The following NKAIN2 variants were observed in gnomAD, a reference collection of about 807,000 sequenced individuals.
NKAIN2 encodes the protein sodium/potassium transporting ATPase interacting 2.
In NKAIN2, 14 loss-of-function variants were observed where a neutral mutation model predicts 32.6. The observed-to-expected ratio is 0.43, with a 90% CI of 0.28 to 0.67. The LOEUF is 0.67. Among genes scored for constraint, NKAIN2 ranks in the 30% least tolerant of loss-of-function variants. NKAIN2 has a pLI of 0.17. For missense variants in NKAIN2, 198 were observed against 258.3 expected, an observed-to-expected ratio of 0.77 and a Z score of 1.60; for synonymous variants, 80 against 87.2, an observed-to-expected ratio of 0.92 and a Z score of 0.46.
chr6:124,487,942 G>C (rs1296305674), intron 3 of NKAIN2, among the ~76,000 whole-genome samples: 1 of 151,892 alleles, frequency 6.6e-6, no homozygotes, highest in East Asian at 1.9e-4. Context: ...AAGTGACTTT[G>C]TTTTTCTAAC....
At chr6:124,542,218 C>T (rs1779937863) in intron 3 of NKAIN2, among the ~76,000 whole-genome samples, 1 of 151,644 alleles carries the variant, frequency 6.6e-6, no homozygotes, top group Non-Finnish European at 1.5e-5. Context: ...ACAACTATAC[C>T]ATTCATTCTG....
At chr6:123,884,029 G>T (rs1473299448) in intron 1 of NKAIN2, among the ~76,000 whole-genome samples, 1 of 151,824 alleles carries the variant, frequency 6.6e-6, no homozygotes, top group Non-Finnish European at 1.5e-5. Flanking sequence ...GTGTCTTGGG[G>T]ATTTGTTGTA....
intron 3 of NKAIN2, among the ~76,000 whole-genome samples, chr6:124,632,349 G>A (rs999577270): frequency 4.6e-5 from 7 of 152,122 alleles, no homozygotes; most frequent in African/African-American, 1.7e-4. Context: ...GAAGGCATAA[G>A]TTATGGCTAA....
intron 1 of NKAIN2, among the ~76,000 whole-genome samples, chr6:123,903,800 T>A (rs1297525521): frequency 2.0e-5 from 3 of 152,218 alleles, no homozygotes; most frequent in Non-Finnish European, 4.4e-5. Context: ...ACTTGGTTAA[T>A]AAGCCCTGAT....
intron 3 of NKAIN2, among the ~76,000 whole-genome samples, chr6:124,530,078 C>G (rs1779464759): frequency 6.6e-6 from 1 of 152,130 alleles, no homozygotes; most frequent in Admixed American, 6.5e-5. Flanking sequence ...GAACCAGAAC[C>G]AATAGGATAT....
At chr6:124,529,050 A>G (rs987165682) in intron 3 of NKAIN2, among the ~76,000 whole-genome samples, 45 of 152,228 alleles carry the variant, frequency 3.0e-4, no homozygotes, top group African/African-American at 1.0e-3. Context: ...TTTCAATATA[A>G]CATTATAATT....
At chr6:124,565,049 C>A (rs1486867965) in intron 3 of NKAIN2, among the ~76,000 whole-genome samples, 1 of 151,922 alleles carries the variant, frequency 6.6e-6, no homozygotes, top group Non-Finnish European at 1.5e-5. Context: ...CTAACTGTTG[C>A]CATTAGAGCA....
chr6:124,531,727 T>G (rs1211061294), intron 3 of NKAIN2, among the ~76,000 whole-genome samples: 1 of 152,132 alleles, frequency 6.6e-6, no homozygotes, highest in Non-Finnish European at 1.5e-5. Flanking sequence ...CAGGCTGGAG[T>G]GCAGTGGTAT....
intron 1 of NKAIN2, among the ~76,000 whole-genome samples, chr6:123,997,551 A>T (rs1260663110): frequency 1.3e-5 from 2 of 150,750 alleles, no homozygotes; most frequent in African/African-American, 4.9e-5. Context: ...GCTATTTTTT[A>T]AATTTTTCCA....
chr6:124,498,151 C>G (rs1445077127), intron 3 of NKAIN2, among the ~76,000 whole-genome samples: 2 of 152,044 alleles, frequency 1.3e-5, no homozygotes, highest in South Asian at 2.1e-4. Flanking sequence ...GGAAAGTTAT[C>G]CAAGAGTTAC....
chr6:124,729,913 C>T (rs1776568463), intron 4 of NKAIN2, among the ~76,000 whole-genome samples: 2 of 150,426 alleles, frequency 1.3e-5, no homozygotes, highest in Non-Finnish European at 3.0e-5. Flanking sequence ...TATACACCAG[C>T]AACAGACAAA....
chr6:124,434,167 G>A (rs1775340089), intron 3 of NKAIN2, among the ~76,000 whole-genome samples: 1 of 152,118 alleles, frequency 6.6e-6, no homozygotes, highest in African/African-American at 2.4e-5. Context: ...CTCAGCATAG[G>A]CCTAGCAATT....
chr6:124,341,913 G>T (rs2115085619), intron 2 of NKAIN2, among the ~76,000 whole-genome samples: 1 of 152,230 alleles, frequency 6.6e-6, no homozygotes, highest in East Asian at 1.9e-4. Flanking sequence ...CTTTATTTGG[G>T]CCACTTTTGC....
rs142168985 is a variant in NKAIN2 at position 124,326,319 on chromosome 6, A to T, written c.193-28948A>T. On this transcript the variant is annotated intron_variant, in intron 2 of 6. Transcript: ENST00000368417. ...TCTTTATCTTTCTAGTTTTTAAAAA[A>T]ATATAATTTTCAGGACTTTTAGTAA... Among the ~76,000 whole-genome samples, 995 of 152,108 alleles carry T rather than the reference A, an allele frequency of 6.5e-3. 7 individuals carry two copies. The highest frequency in any genetic ancestry group is 0.022 in the African/African-American group (910 of 41,482).
chr6:124,392,559 GC>G (rs1449477075), intron 3 of NKAIN2, among the ~76,000 whole-genome samples: 2 of 152,070 alleles, frequency 1.3e-5, no homozygotes, highest in Non-Finnish European at 2.9e-5. Flanking sequence ...TTTGCCCTGA[GC>G]CGAAGAAAAG....
At chr6:124,061,411 T>A (rs534942307) in intron 1 of NKAIN2, among the ~76,000 whole-genome samples, 4 of 152,130 alleles carry the variant, frequency 2.6e-5, no homozygotes, top group Non-Finnish European at 5.9e-5. Flanking sequence ...TCTCAAAAAG[T>A]CTTCAATTTT....
At chr6:124,344,291 C>G (rs1021136451) in intron 2 of NKAIN2, among the ~76,000 whole-genome samples, 15 of 152,162 alleles carry the variant, frequency 9.9e-5, no homozygotes, top group African/African-American at 3.6e-4. Flanking sequence ...GTTCTTTTGG[C>G]TTAGGATTCA....
At chr6:124,805,335 A>C (rs1298844224) in intron 5 of NKAIN2, among the ~76,000 whole-genome samples, 1 of 152,190 alleles carries the variant, frequency 6.6e-6, no homozygotes, top group Non-Finnish European at 1.5e-5. Flanking sequence ...GCGGTTCACA[A>C]AAAACCACTG....
intron 1 of NKAIN2, among the ~76,000 whole-genome samples, chr6:123,983,642 C>A (rs1320876403): frequency 1.3e-5 from 2 of 151,984 alleles, no homozygotes; most frequent in African/African-American, 4.8e-5. Context: ...TTCCACACTA[C>A]CCCCCCACCT....
Sources: allele counts gnomAD v4.1 joint callset (sites outside exome capture counted in the v4.1 genomes callset), GRCh38; gene constraint gnomAD v4.1.1; transcripts MANE v1.5; gene names NCBI Gene and HGNC (gene_info 2026-07-23, HGNC 2026-07-21).